The following PSEN2 variants were observed in gnomAD, a reference collection of about 807,000 sequenced individuals.
PSEN2 encodes presenilin-2.
A neutral mutation model predicts 49.1 loss-of-function variants in PSEN2; 32 were observed. The observed-to-expected ratio is 0.65, with a 90% CI of 0.49 to 0.88. PSEN2 has a LOEUF of 0.88. Ranked by LOEUF, PSEN2 falls within the 40% of genes least tolerant of loss-of-function variation. The pLI, the probability that PSEN2 is intolerant of heterozygous loss-of-function variation, is 0.00. For missense variants in PSEN2, 522 were observed against 586.9 expected (o/e 0.89, Z 1.14); for synonymous variants, 255 against 244.0 (o/e 1.05, Z -0.42).
chr1:226,881,382 G>C (rs1047788685), intron 3 of PSEN2, among the ~76,000 whole-genome samples: 2 of 152,118 alleles, frequency 1.3e-5, no homozygotes, highest in Admixed American at 1.3e-4. Context: ...CCATCAGATA[G>C]GCTCTTCTCT....
At chr1:226,884,160 C>G (rs572427015) in intron 5 of PSEN2, among the ~76,000 whole-genome samples, 1 of 152,184 alleles carries the variant, frequency 6.6e-6, no homozygotes, top group African/African-American at 2.4e-5. Flanking sequence ...GGGTTGATAA[C>G]GCAGTTACTG....
At chr1:226,893,327 A>G (rs2855560) in intron 11 of PSEN2, among the ~76,000 whole-genome samples, 4 of 152,130 alleles carry the variant, frequency 2.6e-5, no homozygotes, top group Admixed American at 2.6e-4. Flanking sequence ...TGGGGGAAGG[A>G]GGACAGCTGG....
chr1:226,900,864 C>T (rs1662293559), downstream of PSEN2, among the ~76,000 whole-genome samples: 1 of 152,176 alleles, frequency 6.6e-6, no homozygotes, highest in Non-Finnish European at 1.5e-5. Context: ...CAAACCCTTA[C>T]CCAGTGCCAA....
intron 4 of PSEN2, among the ~76,000 whole-genome samples, chr1:226,883,137 C>A (rs1022506625): frequency 2.0e-5 from 3 of 152,192 alleles, no homozygotes; most frequent in African/African-American, 7.2e-5. Context: ...CCAGAGCCTG[C>A]GTCTTCTCAG....
At chr1:226,871,791 T>G (rs955431657) in intron 2 of PSEN2, among the ~76,000 whole-genome samples, 4 of 152,238 alleles carry the variant, frequency 2.6e-5, no homozygotes, top group Non-Finnish European at 5.9e-5. Context: ...ATAAGCTGCT[T>G]CAGGTGTGTG....
At chr1:226,883,355 A>G (rs1215994656) in intron 4 of PSEN2, among the ~76,000 whole-genome samples, 1 of 152,204 alleles carries the variant, frequency 6.6e-6, no homozygotes, top group South Asian at 2.1e-4. Flanking sequence ...GTTTCCTCCC[A>G]TATCAGTATG....
chr1:226,877,428 G>A (rs1281475419), intron 3 of PSEN2, among the ~76,000 whole-genome samples: 1 of 152,236 alleles, frequency 6.6e-6, no homozygotes, highest in African/African-American at 2.4e-5. Context: ...TGCCGGCTAA[G>A]GGCTCAGCAG....
At chr1:226,896,937 T>C (rs983834888), downstream of PSEN2, among the ~76,000 whole-genome samples, 7 of 152,154 alleles carry the variant, frequency 4.6e-5, no homozygotes, top group Non-Finnish European at 1.0e-4. Flanking sequence ...ATCTTTATTA[T>C]GAGAGGAATG....
At chr1:226,887,972 A>G (rs1661477136) in intron 6 of PSEN2, 119 bp from the exon 7 acceptor site, 3 of 851,146 alleles carry the variant, frequency 3.5e-6, no homozygotes, top group Non-Finnish European at 6.1e-6. Context: ...CTTCCAGCGT[A>G]GGCATGAAGT....
intron 2 of PSEN2, among the ~76,000 whole-genome samples, chr1:226,873,616 A>G (rs1276229866): frequency 6.6e-6 from 1 of 152,030 alleles, no homozygotes; most frequent in Non-Finnish European, 1.5e-5. Context: ...GGGTTTCACC[A>G]TGTTGGCCAG....
In PSEN2 at chr1:226,882,865, T is replaced by A. The variant is rs1022558612; in HGVS notation, c.141+817T>A. Among the ~76,000 whole-genome samples the A allele has an allele frequency of 3.9e-5, 6 of 152,240 alleles. No homozygotes were observed. The East Asian group carries it at 1.2e-3, about 29-fold the overall frequency. ...TTTGTACACTTTGGTTGTTTCAGTTTCTGTTCATGAGTAGTCTTCTTTCTT... is the reference window on the plus strand; with the variant it reads ...TTTGTACACTTTGGTTGTTTCAGTTACTGTTCATGAGTAGTCTTCTTTCTT... On this transcript the variant is annotated intron_variant, in intron 4 of 12. Transcript: ENST00000366783.
chr1:226,883,009 C>G (rs1290577129), intron 4 of PSEN2, among the ~76,000 whole-genome samples: 1 of 152,180 alleles, frequency 6.6e-6, no homozygotes, highest in African/African-American at 2.4e-5. Context: ...GCAAGGCAGC[C>G]CATGACCTTG....
At chr1:226,900,373 CTG>C (rs927773967), downstream of PSEN2, among the ~76,000 whole-genome samples, 4 of 152,200 alleles carry the variant, frequency 2.6e-5, no homozygotes, top group Non-Finnish European at 4.4e-5. Flanking sequence ...CCTGCCCCCT[CTG>C]TGGACAATTT....
chr1:226,887,157 G>A (rs1661412972), intron 6 of PSEN2, among the ~76,000 whole-genome samples: 1 of 152,156 alleles, frequency 6.6e-6, no homozygotes, highest in Non-Finnish European at 1.5e-5. Flanking sequence ...AGTCCCAGAG[G>A]CTGTGAAGAG....
At chr1:226,902,783 C>T (rs1237624353) in intron 12 of PSEN2, among the ~76,000 whole-genome samples, 1 of 152,140 alleles carries the variant, frequency 6.6e-6, no homozygotes, top group Non-Finnish European at 1.5e-5. Context: ...ATAACCAAAC[C>T]AGGAAATCAG....
downstream of PSEN2, among the ~76,000 whole-genome samples, chr1:226,901,210 C>T (rs1195204610): frequency 2.6e-5 from 4 of 151,908 alleles, no homozygotes; most frequent in Non-Finnish European, 4.4e-5. Context: ...CCGAGGTGGG[C>T]GGGTCACCTG....
chr1:226,880,075 G>A (rs1456219189), intron 3 of PSEN2, among the ~76,000 whole-genome samples: 4 of 152,204 alleles, frequency 2.6e-5, no homozygotes, highest in African/African-American at 9.7e-5. Context: ...TGCCTGCTTT[G>A]TTTAAAAACC....
At chr1:226,900,605 G>C (rs1251571202), downstream of PSEN2, among the ~76,000 whole-genome samples, 6 of 152,186 alleles carry the variant, frequency 3.9e-5, no homozygotes, top group African/African-American at 1.2e-4. Context: ...TGGATTTTGG[G>C]ACAGCTTTGA....
At chr1:226,874,148 C>A (rs1285847374) in intron 2 of PSEN2, among the ~76,000 whole-genome samples, 1 of 152,160 alleles carries the variant, frequency 6.6e-6, no homozygotes, top group East Asian at 1.9e-4. Flanking sequence ...TTGACACATA[C>A]CTGCCCGTGG....
Sources: allele counts gnomAD v4.1 joint callset (sites outside exome capture counted in the v4.1 genomes callset), GRCh38; gene constraint gnomAD v4.1.1; transcripts MANE v1.5; gene names NCBI Gene and HGNC (gene_info 2026-07-23, HGNC 2026-07-21).